Variants in SLC8A3 observed in about 807,000 individuals in gnomAD.
SLC8A3 encodes solute carrier family 8 member A3, also known as sodium/calcium exchanger 3.
A neutral mutation model predicts 65.4 loss-of-function variants in SLC8A3; 37 were observed. That is an observed-to-expected ratio of 0.57 (90% CI 0.44 to 0.74). The LOEUF (loss-of-function observed/expected upper bound fraction) is 0.74. SLC8A3 is among the 30% of genes least tolerant of loss of function. SLC8A3 has a pLI of 0.00. For missense variants in SLC8A3, 1,112 were observed against 1,172.1 expected (o/e 0.95, Z 0.75); for synonymous variants, 461 against 444.5 (o/e 1.04, Z -0.47).
chr14:70,085,374 C>T (rs1891357665), intron 2 of SLC8A3, among the ~76,000 whole-genome samples: 1 of 152,186 alleles, frequency 6.6e-6, no homozygotes, highest in African/African-American at 2.4e-5. Context: ...TATGCATTCT[C>T]CTTGGACTGT....
chr14:70,079,651 A>G (rs1890865904), intron 2 of SLC8A3, among the ~76,000 whole-genome samples: 1 of 152,002 alleles, frequency 6.6e-6, no homozygotes, highest in African/African-American at 2.4e-5. Flanking sequence ...CCCATGCCAT[A>G]TAATCACGCA....
At chr14:70,110,723 C>A (rs10143453) in intron 2 of SLC8A3, among the ~76,000 whole-genome samples, 14,049 of 148,350 alleles carry the variant, frequency 0.095, 764 homozygotes, top group Middle Eastern at 0.13. Flanking sequence ...CTCTTTCACC[C>A]AGGCCAGACT....
chr14:70,092,705 G>T lies in SLC8A3; in HGVS notation c.1785-31766C>A, dbSNP rs1026690535. On this transcript the variant is annotated intron_variant, in intron 2 of 6. Transcript: ENST00000356921. ...GGGTCTGAGTGCTGCTGGTAGTAAT[G>T]TCTCCAGCCCAGTGGAGGGAACCAG... Among the ~76,000 whole-genome samples the T allele has an allele frequency of 3.3e-5, 5 of 152,168 alleles. No homozygotes were observed. The South Asian group carries it at 1.0e-3, about 32-fold the overall frequency.
intron 2 of SLC8A3, among the ~76,000 whole-genome samples, chr14:70,072,602 CA>C (rs1344784916): frequency 7.6e-6 from 1 of 131,918 alleles, no homozygotes; most frequent in African/African-American, 2.9e-5. Flanking sequence ...TCCGTCCATC[CA>C]TCCATCCATC....
chr14:70,074,417 G>A (rs1890293479), intron 2 of SLC8A3, among the ~76,000 whole-genome samples: 2 of 152,172 alleles, frequency 1.3e-5, no homozygotes, highest in African/African-American at 2.4e-5. Context: ...GTCCCAGCTC[G>A]GCTGCAGGAA....
In SLC8A3 at chr14:70,056,512, C is replaced by T. The variant is rs1046584704; in HGVS notation, c.1888+4324G>A. On this transcript the variant is annotated intron_variant, in intron 3 of 6. Coordinates refer to ENST00000356921, the MANE Select transcript of SLC8A3 (RefSeq NM_182932.3). ...TTTTCCTTGAATGGTTTGTCTTTAC[C>T]GTAGATATATCCTGGAAGTTAGGGC... Among the ~76,000 whole-genome samples the T allele has an allele frequency of 3.3e-5, 5 of 152,116 alleles. No individual in the cohort carries two copies. In the South Asian group the frequency reaches 6.2e-4, roughly 19 times the overall value.
chr14:70,061,907 A>T (rs536168253), intron 2 of SLC8A3, among the ~76,000 whole-genome samples: 3 of 152,130 alleles, frequency 2.0e-5, no homozygotes, highest in African/African-American at 7.2e-5. Flanking sequence ...TTTTAAAAAC[A>T]AGTCACCCAG....
At chr14:70,159,454 G>A (rs1896759472) in intron 2 of SLC8A3, among the ~76,000 whole-genome samples, 2 of 150,528 alleles carry the variant, frequency 1.3e-5, no homozygotes, top group Non-Finnish European at 1.5e-5. Context: ...AAACACTAAG[G>A]AAACATCTTG....
Position 70,049,008 on chromosome 14 carries a change from C to A in SLC8A3, c.2148G>T (p.Glu716Asp). 6.2e-7 allele frequency: 1 copy of A among 1,613,698 alleles called. No individual in the cohort carries two copies. The highest frequency in any genetic ancestry group is 1.1e-5 in the South Asian group (1 of 91,010). Residue 716 changes from glutamate to aspartate, a missense_variant, in exon 6 of 7, where the codon GAG becomes GAT. Transcript: ENST00000356921. Reference sequence around the variant, plus strand: ...CGTAGTCAAAGCAGGAGGGCAGCCTCTCCTCCCCGGATTCATCCTCATCCT... The same window carrying A: ...CGTAGTCAAAGCAGGAGGGCAGCCTATCCTCCCCGGATTCATCCTCATCCT... ...GDEDEDESGE[E>D]RLPSCFDYVM... is the part of the protein sequence containing the mutation.
intron 2 of SLC8A3, chr14:70,080,305 G>A (rs982592748): frequency 2.2e-6 from 2 of 914,492 alleles, no homozygotes; most frequent in Non-Finnish European, 2.6e-6. Context: ...TGAAAGGAAA[G>A]ATGGAGCTCA....
intron 3 of SLC8A3, among the ~76,000 whole-genome samples, chr14:70,056,956 G>C (rs1122271): frequency 0.35 from 53,368 of 151,958 alleles, 9,532 homozygotes; most frequent in East Asian, 0.45. Context: ...TCACTCCTTG[G>C]CTCTCAGATA....
intron 2 of SLC8A3, among the ~76,000 whole-genome samples, chr14:70,105,770 T>A (rs893107334): frequency 1.3e-5 from 2 of 151,992 alleles, no homozygotes; most frequent in African/African-American, 4.8e-5. Context: ...CTTAAACCCT[T>A]ACAAAAACCT....
intron 2 of SLC8A3, among the ~76,000 whole-genome samples, chr14:70,158,840 T>C (rs1281095940): frequency 6.6e-6 from 1 of 152,152 alleles, no homozygotes; most frequent in Non-Finnish European, 1.5e-5. Flanking sequence ...GTGGTAGGAG[T>C]GGAAATATAA....
chr14:70,117,175 A>G (rs1349178648), intron 2 of SLC8A3, among the ~76,000 whole-genome samples: 2 of 152,244 alleles, frequency 1.3e-5, no homozygotes, highest in Non-Finnish European at 2.9e-5. Flanking sequence ...TTGGTGCCCA[A>G]TGTGGCTGCT....
intron 2 of SLC8A3, among the ~76,000 whole-genome samples, chr14:70,112,424 C>T (rs1279341928): frequency 6.6e-6 from 1 of 152,148 alleles, no homozygotes; most frequent in Non-Finnish European, 1.5e-5. Context: ...GGCATGAAAG[C>T]CTTGCCACAC....
chr14:70,047,175 T>G (rs2139681380), intron 6 of SLC8A3: 1 of 152,290 alleles, frequency 6.6e-6, no homozygotes, highest in East Asian at 1.9e-4. Flanking sequence ...CCTCAAATGT[T>G]GTTAGCTGTT....
Position 70,049,136 on chromosome 14 carries a change from C to T in SLC8A3, c.2114-94G>A, listed in dbSNP as rs1243214163. The T allele has an allele frequency of 2.2e-5, 28 of 1,246,646 alleles. No individual in the cohort carries two copies. In the Middle Eastern group the frequency reaches 9.7e-4, roughly 43 times the overall value. 77.2% of individuals were successfully genotyped at this position (1,246,646 alleles called of 1,614,324 possible). ...CCCAACCCGCACCACAGGCATCATC[C>T]GCTAGAAGGGGACTCCAGCTGTCTT... On this transcript the variant is annotated intron_variant, in intron 5 of 6. Coordinates refer to ENST00000356921, the MANE Select transcript of SLC8A3 (RefSeq NM_182932.3).
chr14:70,130,062 A>G (rs1027629614), intron 2 of SLC8A3, among the ~76,000 whole-genome samples: 11 of 152,168 alleles, frequency 7.2e-5, no homozygotes, highest in African/African-American at 2.7e-4. Context: ...TCTTTCCCTC[A>G]ATGAATTGTT....
chr14:70,175,006 A>G (rs1897814354), intron 1 of SLC8A3, among the ~76,000 whole-genome samples: 1 of 152,082 alleles, frequency 6.6e-6, no homozygotes, highest in Non-Finnish European at 1.5e-5. Context: ...TGCAATTGTC[A>G]TATTTTGCCT....
Sources: allele counts gnomAD v4.1 joint callset (sites outside exome capture counted in the v4.1 genomes callset), GRCh38; gene constraint gnomAD v4.1.1; transcripts MANE v1.5; gene names NCBI Gene and HGNC (gene_info 2026-07-23, HGNC 2026-07-21).